CSMD3: variants seen among roughly 807,000 people sequenced by gnomAD.
The protein encoded by CSMD3 is CUB and Sushi multiple domains 3, also known as CUB and sushi domain-containing protein 3.
In CSMD3, 177 loss-of-function variants were observed where a neutral mutation model predicts 435.2. That is an observed-to-expected ratio of 0.41 (90% confidence interval 0.36 to 0.46). The LOEUF (loss-of-function observed/expected upper bound fraction) is 0.46, where lower values mean the gene tolerates loss of function less well. Ranked by LOEUF, CSMD3 falls within the 20% of genes least tolerant of loss-of-function variation. CSMD3 has a pLI of 0.34. For synonymous variants in CSMD3, 1,656 were observed against 1,520.5 expected (o/e 1.09, Z -2.07); for missense variants, 4,265 against 4,504.6 (o/e 0.95, Z 1.52).
At chr8:112,552,866 T>A (rs141588905) in intron 25 of CSMD3, 146 bp from the exon 26 acceptor site, 3 of 684,384 alleles carry the variant, frequency 4.4e-6, no homozygotes. Context: ...AAGTATCAAT[T>A]GAAGCAAGAA....
intron 66 of CSMD3, among the ~76,000 whole-genome samples, chr8:112,240,295 T>C (rs1239037416): frequency 2.0e-5 from 3 of 152,086 alleles, no homozygotes; most frequent in Non-Finnish European, 2.9e-5. Flanking sequence ...TTTTTACAGA[T>C]TTGATGTGCT....
intron 24 of CSMD3, among the ~76,000 whole-genome samples, chr8:112,564,824 AAT>A (rs1284742999): frequency 6.6e-6 from 1 of 152,070 alleles, no homozygotes; most frequent in African/African-American, 2.4e-5. Context: ...ATTATTGATG[AAT>A]TTTTGCTTGT....
At chr8:113,320,683 C>T (rs1476926224) in intron 1 of CSMD3, among the ~76,000 whole-genome samples, 1 of 151,992 alleles carries the variant, frequency 6.6e-6, no homozygotes, top group Non-Finnish European at 1.5e-5. Flanking sequence ...AATCGTTGTT[C>T]TTTCTTGGAA....
At position 113,150,721 on chromosome 8, in the gene CSMD3, C is replaced by T. The variant is rs1042267098; in HGVS notation, c.709+23001G>A. On this transcript the variant is annotated intron_variant, in intron 4 of 70. Transcript: ENST00000297405. ...TTCTTAATTGCTAATAAATACATAA[C>T]ACATTGTATTAAATATAATTTATTC... 5.9e-5 allele frequency among the ~76,000 whole-genome samples: 9 copies of T among 151,946 alleles called. 1 individual carries two copies. Among genetic ancestry groups the T allele is most frequent in the Non-Finnish European group, 1.3e-4 (9 of 67,944 alleles).
chr8:113,306,633 G>T (rs1489395844), intron 2 of CSMD3, among the ~76,000 whole-genome samples: 1 of 152,134 alleles, frequency 6.6e-6, no homozygotes, highest in African/African-American at 2.4e-5. Context: ...TGAGTATTAG[G>T]AAGTTCTATG....
At chr8:112,341,813 G>T (rs144998888) in intron 41 of CSMD3, 127 bp from the exon 42 acceptor site, 3 of 725,220 alleles carry the variant, frequency 4.1e-6, no homozygotes, top group Non-Finnish European at 7.3e-6. Context: ...ATAATCTCAA[G>T]ATCTGAGTCA....
intron 47 of CSMD3, among the ~76,000 whole-genome samples, chr8:112,316,899 T>C (rs538665306): frequency 6.6e-6 from 1 of 151,870 alleles, no homozygotes; most frequent in African/African-American, 2.4e-5. Flanking sequence ...AGAAGAAAAA[T>C]GATACTACTA....
intron 22 of CSMD3, among the ~76,000 whole-genome samples, chr8:112,632,192 T>A (rs1291798570): frequency 1.3e-5 from 2 of 152,068 alleles, no homozygotes; most frequent in African/African-American, 4.8e-5. Flanking sequence ...ACAATGATAG[T>A]ACAGACAGTT....
intron 22 of CSMD3, among the ~76,000 whole-genome samples, chr8:112,612,354 T>A (rs2131473178): frequency 6.6e-6 from 1 of 152,306 alleles, no homozygotes; most frequent in African/African-American, 2.4e-5. Flanking sequence ...TAGGAACAGT[T>A]GATGGGGTTC....
intron 12 of CSMD3, among the ~76,000 whole-genome samples, chr8:112,807,295 G>T (rs1429496155): frequency 6.6e-6 from 1 of 152,176 alleles, no homozygotes; most frequent in Non-Finnish European, 1.5e-5. Context: ...GAGCCAAAGA[G>T]CCTGTGGTTT....
At chr8:112,965,464 GCTGAA>G (rs2084383078) in intron 7 of CSMD3, among the ~76,000 whole-genome samples, 1 of 151,740 alleles carries the variant, frequency 6.6e-6, no homozygotes, top group African/African-American at 2.4e-5. Context: ...AAACAAAGTG[GCTGAA>G]AATCTGAAAA....
chr8:112,849,192 C>T (rs1175067829), intron 11 of CSMD3, among the ~76,000 whole-genome samples: 2 of 151,998 alleles, frequency 1.3e-5, no homozygotes, highest in African/African-American at 4.8e-5. Context: ...TTATATTCTT[C>T]TATGCCCAGT....
intron 45 of CSMD3, among the ~76,000 whole-genome samples, chr8:112,320,404 A>T (rs912774675): frequency 1.7e-4 from 26 of 152,166 alleles, no homozygotes; most frequent in African/African-American, 5.6e-4. Context: ...TGTTTACTTT[A>T]TTCCAGACAG....
chr8:112,357,975 A>G (rs1826801316), intron 38 of CSMD3, among the ~76,000 whole-genome samples: 1 of 152,142 alleles, frequency 6.6e-6, no homozygotes, highest in South Asian at 2.1e-4. Context: ...GACAGCTTGA[A>G]TCATGCACCT....
intron 16 of CSMD3, among the ~76,000 whole-genome samples, chr8:112,675,507 G>C (rs2075752538): frequency 6.6e-6 from 1 of 152,118 alleles, no homozygotes; most frequent in Non-Finnish European, 1.5e-5. Flanking sequence ...GCTGACTACA[G>C]TGTAGGGGAC....
chr8:112,722,853 G>A (rs6986937), intron 13 of CSMD3, among the ~76,000 whole-genome samples: 50,532 of 151,892 alleles, frequency 0.33, 9,271 homozygotes, highest in African/African-American at 0.5. Context: ...TTAAGTGGGA[G>A]TATTAAGATG....
chr8:112,313,598 C>T (rs1314492746), intron 49 of CSMD3, among the ~76,000 whole-genome samples: 2 of 151,708 alleles, frequency 1.3e-5, no homozygotes, highest in African/African-American at 4.8e-5. Flanking sequence ...ATCCTAAATG[C>T]TTTTTTAGGA....
In CSMD3 at chr8:112,943,631, C is replaced by A. The variant is rs547341827; in HGVS notation, c.1508+4159G>T. Among the ~76,000 whole-genome samples, 5 of 151,614 alleles carry A rather than the reference C, an allele frequency of 3.3e-5. No homozygotes were observed. The Admixed American group carries it at 3.3e-4, about 10-fold the overall frequency. On this transcript the variant is annotated intron_variant, in intron 9 of 70. Coordinates refer to ENST00000297405, the MANE Select transcript of CSMD3 (RefSeq NM_198123.2). Reference sequence around the variant, plus strand: ...CATAACAATTTGATTTATCTTTTGTCGGTGATTTTTATTCCTTTACAACCT... The same window carrying A: ...CATAACAATTTGATTTATCTTTTGTAGGTGATTTTTATTCCTTTACAACCT...
chr8:112,596,106 G>A (rs1406543595), intron 22 of CSMD3, among the ~76,000 whole-genome samples: 1 of 151,546 alleles, frequency 6.6e-6, no homozygotes, highest in Non-Finnish European at 1.5e-5. Flanking sequence ...TCAATGTGCT[G>A]TATTCAGGAA....
Sources: gnomAD v4.1 joint callset for allele counts (sites outside exome capture counted in the v4.1 genomes callset) on GRCh38, gnomAD v4.1.1 for gene constraint, MANE v1.5 for transcripts, NCBI Gene and HGNC (gene_info 2026-07-23, HGNC 2026-07-21) for gene names.